Variants in RGS5 observed in about 807,000 individuals in gnomAD.
The protein encoded by RGS5 is regulator of G protein signaling 5, also known as regulator of G-protein signalling 5.
RGS5 carries 20 observed loss-of-function variants against 18.9 expected under a neutral mutation model. That is an observed-to-expected ratio of 1.06 (90% CI 0.74 to 1.54). RGS5 has a LOEUF of 1.54. Ranked by LOEUF, RGS5 falls within the 40% of genes most tolerant of loss-of-function variation. The pLI, the probability that RGS5 is intolerant of heterozygous loss-of-function variation, is 0.00. For missense variants in RGS5, 201 were observed against 211.8 expected, an observed-to-expected ratio of 0.95 and a Z score of 0.32; for synonymous variants, 57 against 76.2, an observed-to-expected ratio of 0.75 and a Z score of 1.31.
chr1:163,304,515 G>C (rs1210635262), intron 2 of RGS5: 3 of 152,222 alleles, frequency 2.0e-5, no homozygotes, highest in Admixed American at 2.0e-4. Context: ...TTTCTGTGAA[G>C]ATTACTCATT....
chr1:163,196,407 T>C (rs1359325483), intron 1 of RGS5, among the ~76,000 whole-genome samples: 1 of 152,166 alleles, frequency 6.6e-6, no homozygotes, highest in Non-Finnish European at 1.5e-5. Context: ...TCCCGTAATA[T>C]TGTGTAGTCC....
intron 1 of RGS5, among the ~76,000 whole-genome samples, chr1:163,185,051 G>A (rs1659012644): frequency 6.6e-6 from 1 of 152,154 alleles, no homozygotes; most frequent in African/African-American, 2.4e-5. Context: ...TCAGTTAATA[G>A]ATAATCCTAA....
intron 2 of RGS5, among the ~76,000 whole-genome samples, chr1:163,264,962 C>A (rs948545804): frequency 2.6e-5 from 4 of 152,070 alleles, no homozygotes; most frequent in Admixed American, 1.3e-4. Flanking sequence ...GTAAACCCAG[C>A]CACATGCCTT....
chr1:163,154,299 A>G (rs1056051443), intron 3 of RGS5, among the ~76,000 whole-genome samples: 5 of 152,118 alleles, frequency 3.3e-5, no homozygotes, highest in African/African-American at 1.2e-4. Context: ...ATCCATTTTC[A>G]ATTTACCTCC....
chr1:163,304,040 G>A (rs192855113), intron 2 of RGS5, among the ~76,000 whole-genome samples: 3 of 152,154 alleles, frequency 2.0e-5, no homozygotes, highest in Admixed American at 6.5e-5. Flanking sequence ...TTGGAAACCC[G>A]CTGGTCTACA....
At chr1:163,318,436 A>G (rs1650088056) in intron 1 of RGS5, among the ~76,000 whole-genome samples, 1 of 152,174 alleles carries the variant, frequency 6.6e-6, no homozygotes, top group Non-Finnish European at 1.5e-5. Context: ...TTATGGCTGA[A>G]AGCAGTGAGA....
chr1:163,297,671 G>A (rs775806571), intron 2 of RGS5, among the ~76,000 whole-genome samples: 11 of 152,026 alleles, frequency 7.2e-5, no homozygotes, highest in Non-Finnish European at 1.3e-4. Flanking sequence ...CATGTAACAT[G>A]TAACATGAAG....
chr1:163,191,681 A>C (rs1363872109), intron 1 of RGS5, among the ~76,000 whole-genome samples: 1 of 152,122 alleles, frequency 6.6e-6, no homozygotes, highest in Non-Finnish European at 1.5e-5. Flanking sequence ...TTATTCTAAT[A>C]CTTGGTTTCT....
At chr1:163,301,679 A>T (rs1509027) in intron 2 of RGS5, among the ~76,000 whole-genome samples, 1,886 of 152,222 alleles carry the variant, frequency 0.012, 27 homozygotes, top group South Asian at 0.026. Context: ...TTACTGCTCA[A>T]TTCTCCCCTT....
At chr1:163,297,783 A>G (rs1336105276) in intron 2 of RGS5, among the ~76,000 whole-genome samples, 1 of 152,186 alleles carries the variant, frequency 6.6e-6, no homozygotes, top group Non-Finnish European at 1.5e-5. Context: ...TCTTCTCTAC[A>G]AGAACAAGAA....
intron 2 of RGS5, among the ~76,000 whole-genome samples, chr1:163,236,432 T>C (rs1261836304): frequency 1.3e-5 from 2 of 152,140 alleles, no homozygotes; most frequent in Admixed American, 6.5e-5. Flanking sequence ...AGGAAAATTG[T>C]AACAAATATA....
At chr1:163,221,348 T>C (rs1408198952), upstream of RGS5, among the ~76,000 whole-genome samples, 1 of 152,042 alleles carries the variant, frequency 6.6e-6, no homozygotes, top group African/African-American at 2.4e-5. Context: ...AATATAAAAA[T>C]TAGCTGGGCG....
intron 1 of RGS5, among the ~76,000 whole-genome samples, chr1:163,176,325 A>C (rs766049094): frequency 3.3e-4 from 50 of 152,228 alleles, no homozygotes; most frequent in Non-Finnish European, 5.6e-4. Context: ...TGGTGGACAG[A>C]GAAAAGCCTG....
rs1657047837 is a variant in RGS5, at chr1:163,144,395, A to G, written c.*2947T>C. The G allele has an allele frequency of 6.6e-6, 1 of 152,142 alleles. No homozygotes were observed. 9.4% of individuals were successfully genotyped at this position (152,142 alleles called of 1,614,324 possible). A position where few individuals can be genotyped will look rare whatever the true frequency, so the allele number is the denominator to read the frequency against. On this transcript the variant is annotated 3_prime_UTR_variant, in exon 5 of 5. Transcript: ENST00000313961. ...TAACCCCAACCCTAAACTATATCAA[A>G]CCCAGGCAGAAAAACTGAAGTTACA...
At chr1:163,202,981 C>A, upstream of RGS5, 1 of 682,410 alleles carries the variant, frequency 1.5e-6, no homozygotes, top group Non-Finnish European at 2.5e-6. Flanking sequence ...CTCTTCCAGC[C>A]AATCCAGAGC....
chr1:163,313,995 ATATATGTGTGTGTG>A (rs760488563), intron 1 of RGS5, among the ~76,000 whole-genome samples: 2 of 5,592 alleles, frequency 3.6e-4, no homozygotes, highest in Admixed American at 2.5e-3. Context: ...TAAATAAGAT[ATATATGTGTGTGTG>A]TGTGTGTGTG....
chr1:163,170,285 T>TTTTTAACCCCTG (rs1181960568), intron 1 of RGS5, among the ~76,000 whole-genome samples: 3 of 152,242 alleles, frequency 2.0e-5, no homozygotes, highest in Non-Finnish European at 4.4e-5. Flanking sequence ...TCTTAAATAC[T>TTTTTAACCCCTG]TTTTAACCCC....
chr1:163,173,597 A>G (rs1250726445), intron 1 of RGS5, among the ~76,000 whole-genome samples: 1 of 152,208 alleles, frequency 6.6e-6, no homozygotes, highest in Non-Finnish European at 1.5e-5. Context: ...GAGAAATACA[A>G]TTATATTCCA....
At chr1:163,265,887 T>C (rs1348262213) in intron 2 of RGS5, among the ~76,000 whole-genome samples, 1 of 152,170 alleles carries the variant, frequency 6.6e-6, no homozygotes, top group Non-Finnish European at 1.5e-5. Context: ...TCCAAGGTTC[T>C]CCATCCCTGG....
Sources: gnomAD v4.1 joint callset for allele counts (sites outside exome capture counted in the v4.1 genomes callset) on GRCh38, gnomAD v4.1.1 for gene constraint, MANE v1.5 for transcripts, NCBI Gene and HGNC (gene_info 2026-07-23, HGNC 2026-07-21) for gene names.